The following CNTNAP2 variants were observed in gnomAD, a reference collection of about 807,000 sequenced individuals.
The protein encoded by CNTNAP2 is contactin-associated protein-like 2.
CNTNAP2 carries 98 observed loss-of-function variants against 155.2 expected under a neutral mutation model. That is an observed-to-expected ratio of 0.63 (90% CI 0.54 to 0.75). The LOEUF (loss-of-function observed/expected upper bound fraction) is 0.75, where lower values mean the gene tolerates loss of function less well. Ranked by LOEUF, CNTNAP2 falls within the 30% of genes least tolerant of loss-of-function variation. The pLI, the probability that CNTNAP2 is intolerant of heterozygous loss-of-function variation, is 0.00. For missense variants in CNTNAP2, 1,727 were observed against 1,688.1 expected (o/e 1.02, Z -0.40); for synonymous variants, 651 against 631.2 (o/e 1.03, Z -0.47).
intron 8 of CNTNAP2, among the ~76,000 whole-genome samples, chr7:147,152,956 G>A (rs1459224838): frequency 6.6e-6 from 1 of 152,052 alleles, no homozygotes; most frequent in East Asian, 1.9e-4. Flanking sequence ...GTTCATGCTG[G>A]CTTTACAAAC....
At chr7:148,392,899 C>A (rs950208286) in intron 22 of CNTNAP2, among the ~76,000 whole-genome samples, 1 of 57,956 alleles carries the variant, frequency 1.7e-5, no homozygotes, top group Non-Finnish European at 3.3e-5. Context: ...CTTGAGTATA[C>A]CCAGCACTGA....
chr7:146,318,964 C>A (rs1260232716), intron 1 of CNTNAP2, among the ~76,000 whole-genome samples: 2 of 152,216 alleles, frequency 1.3e-5, no homozygotes, highest in East Asian at 3.9e-4. Flanking sequence ...ACAGATATCT[C>A]TTCTATTATC....
intron 19 of CNTNAP2, among the ~76,000 whole-genome samples, chr7:148,218,045 A>T (rs903321671): frequency 6.6e-6 from 1 of 152,232 alleles, no homozygotes; most frequent in Non-Finnish European, 1.5e-5. Context: ...GGATCACTTG[A>T]GCCCAAGATG....
intron 8 of CNTNAP2, among the ~76,000 whole-genome samples, chr7:147,200,881 A>C (rs1802908012): frequency 6.6e-6 from 1 of 152,236 alleles, no homozygotes; most frequent in Admixed American, 6.5e-5. Flanking sequence ...TTGTTTTTGT[A>C]AGATGAACTA....
chr7:148,154,053 C>T (rs1244922433), intron 17 of CNTNAP2, among the ~76,000 whole-genome samples: 3 of 152,218 alleles, frequency 2.0e-5, no homozygotes, highest in Non-Finnish European at 2.9e-5. Context: ...GACAAATGTC[C>T]GTGCTCAATT....
At chr7:148,001,437 G>A (rs1279827655) in intron 15 of CNTNAP2, among the ~76,000 whole-genome samples, 2 of 152,146 alleles carry the variant, frequency 1.3e-5, no homozygotes, top group African/African-American at 2.4e-5. Context: ...TGTTGTTATT[G>A]CAGATAGCAC....
chr7:147,587,017 G>A (rs1800641566), intron 12 of CNTNAP2, among the ~76,000 whole-genome samples: 1 of 152,214 alleles, frequency 6.6e-6, no homozygotes, highest in South Asian at 2.1e-4. Context: ...GTAGATACTG[G>A]CAACCTAACA....
In CNTNAP2 at chr7:146,312,542, G is replaced by A. The variant is rs190027688; in HGVS notation, c.97+195569G>A. ...AAGTTTCAGTCAAGTGAATTAACAT[G>A]CCCTTCACCTCACCAATTTATCACT... On this transcript the variant is annotated intron_variant, in intron 1 of 23. Coordinates refer to ENST00000361727, the MANE Select transcript of CNTNAP2 (RefSeq NM_014141.6). 1.1e-4 allele frequency among the ~76,000 whole-genome samples: 17 copies of A among 152,228 alleles called. No individual in the cohort carries two copies. The East Asian group carries it at 3.3e-3, about 29-fold the overall frequency.
intron 1 of CNTNAP2, among the ~76,000 whole-genome samples, chr7:146,316,732 A>C (rs528658294): frequency 6.6e-6 from 1 of 151,692 alleles, no homozygotes; most frequent in Non-Finnish European, 1.5e-5. Flanking sequence ...GTATGACAGA[A>C]GTTTTAAATG....
intron 13 of CNTNAP2, among the ~76,000 whole-genome samples, chr7:147,699,151 A>G (rs908324867): frequency 5.9e-5 from 9 of 152,034 alleles, no homozygotes; most frequent in African/African-American, 1.7e-4. Flanking sequence ...AAAAAGAATA[A>G]ATATATATAA....
intron 1 of CNTNAP2, among the ~76,000 whole-genome samples, chr7:146,709,048 A>C (rs551663945): frequency 2.3e-4 from 35 of 152,308 alleles, no homozygotes; most frequent in Non-Finnish European, 4.0e-4. Context: ...TGAATGGATA[A>C]AGTCAACCAC....
At chr7:147,018,895 G>C (rs778005494) in intron 3 of CNTNAP2, among the ~76,000 whole-genome samples, 12 of 151,928 alleles carry the variant, frequency 7.9e-5, no homozygotes, top group Non-Finnish European at 1.5e-4. Context: ...TAACAATTAA[G>C]GGCAGAATCA....
intron 1 of CNTNAP2, among the ~76,000 whole-genome samples, chr7:146,703,486 A>C (rs888583972): frequency 6.6e-6 from 1 of 152,160 alleles, no homozygotes; most frequent in Non-Finnish European, 1.5e-5. Flanking sequence ...TCTAGCATTT[A>C]CTTTATGTCT....
chr7:146,896,028 G>T (rs1195084365), intron 3 of CNTNAP2, among the ~76,000 whole-genome samples: 1 of 152,038 alleles, frequency 6.6e-6, no homozygotes, highest in Non-Finnish European at 1.5e-5. Flanking sequence ...CCTTCCTCCA[G>T]AAACTTTATT....
At position 147,066,306 on chromosome 7, in the gene CNTNAP2, C is replaced by G. The variant is rs769797922; in HGVS notation, c.550+22252C>G. 2.6e-5 allele frequency among the ~76,000 whole-genome samples: 4 copies of G among 152,152 alleles called. No homozygotes were observed. The South Asian group carries it at 6.2e-4, about 24-fold the overall frequency. ...TTACCATTACAGCCAAGACATCATACGACAGACTACTTCAAATCTCACCTC... is the reference window on the plus strand; with the variant it reads ...TTACCATTACAGCCAAGACATCATAGGACAGACTACTTCAAATCTCACCTC... On this transcript the variant is annotated intron_variant, in intron 4 of 23. Coordinates refer to ENST00000361727, the MANE Select transcript of CNTNAP2 (RefSeq NM_014141.6).
At chr7:147,229,782 A>C (rs1803634883) in intron 8 of CNTNAP2, among the ~76,000 whole-genome samples, 2 of 152,202 alleles carry the variant, frequency 1.3e-5, no homozygotes, top group African/African-American at 4.8e-5. Flanking sequence ...TGATGTAACA[A>C]ATACATATTA....
At chr7:147,732,866 C>G (rs569882904) in intron 13 of CNTNAP2, among the ~76,000 whole-genome samples, 2 of 152,300 alleles carry the variant, frequency 1.3e-5, no homozygotes, top group South Asian at 4.1e-4. Flanking sequence ...CCTTCGCCCA[C>G]TTGTTGATGG....
chr7:146,172,527 T>C (rs1445361980), intron 1 of CNTNAP2, among the ~76,000 whole-genome samples: 2 of 152,132 alleles, frequency 1.3e-5, no homozygotes, highest in East Asian at 3.9e-4. Flanking sequence ...TCCTGATTTT[T>C]CTCTCCTCTT....
chr7:146,877,300 G>A lies in CNTNAP2; in HGVS notation c.402+37396G>A, dbSNP rs1202403282. 4.0e-5 allele frequency among the ~76,000 whole-genome samples: 6 copies of A among 148,444 alleles called. No homozygotes were observed. The East Asian group carries it at 6.0e-4, about 15-fold the overall frequency. On this transcript the variant is annotated intron_variant, in intron 3 of 23. Transcript: ENST00000361727. ...GAAGATCATTTGAGGCTAAGAGTTC[G>A]AAATCAGCCTGGGTAACATAGTGAG...
Sources: allele counts gnomAD v4.1 joint callset (sites outside exome capture counted in the v4.1 genomes callset), GRCh38; gene constraint gnomAD v4.1.1; transcripts MANE v1.5; gene names NCBI Gene and HGNC (gene_info 2026-07-23, HGNC 2026-07-21).